The following TAF2 variants were observed in gnomAD, a reference collection of about 807,000 sequenced individuals.
The protein encoded by TAF2 is transcription initiation factor TFIID subunit 2.
A neutral mutation model predicts 138.5 loss-of-function variants in TAF2; 61 were observed. The observed-to-expected ratio is 0.44, with a 90% CI of 0.36 to 0.54. The LOEUF (loss-of-function observed/expected upper bound fraction) is 0.54, where lower values mean the gene tolerates loss of function less well. TAF2 is among the 20% of genes least tolerant of loss of function. TAF2 has a pLI of 0.00. For synonymous variants in TAF2, 475 were observed against 469.9 expected, an observed-to-expected ratio of 1.01 and a Z score of -0.14; for missense variants, 1,090 against 1,427.9, an observed-to-expected ratio of 0.76 and a Z score of 3.81.
intron 9 of TAF2, among the ~76,000 whole-genome samples, 199 bp from the exon 10 acceptor site, chr8:119,793,650 C>T (rs1823602001): frequency 6.6e-6 from 1 of 152,098 alleles, no homozygotes; most frequent in African/African-American, 2.4e-5. Context: ...ATGACAAAAG[C>T]CAAAGACTTC....
intron 25 of TAF2, among the ~76,000 whole-genome samples, chr8:119,738,242 G>A (rs186464175): frequency 4.7e-4 from 72 of 151,872 alleles, no homozygotes; most frequent in African/African-American, 1.6e-3. Flanking sequence ...AATCTAACGT[G>A]GTAAGAAAGC....
chr8:119,746,958 T>G (rs749289217), intron 22 of TAF2, 24 bp from the exon 23 acceptor site: 1 of 1,605,398 alleles, frequency 6.2e-7, no homozygotes, highest in Non-Finnish European at 8.5e-7. Context: ...AATAAAGAAA[T>G]GAGTCAATAT....
At chr8:119,823,463 G>C (rs979138098) in intron 2 of TAF2, among the ~76,000 whole-genome samples, 1 of 150,852 alleles carries the variant, frequency 6.6e-6, no homozygotes, top group Non-Finnish European at 1.5e-5. Context: ...TGAAAAACGG[G>C]AATTTTTCTG....
chr8:119,778,691 A>G (rs577353396), intron 17 of TAF2, among the ~76,000 whole-genome samples: 58 of 152,326 alleles, frequency 3.8e-4, no homozygotes, highest in Non-Finnish European at 7.1e-4. Context: ...CCTAATCCTC[A>G]TGAACACCCA....
Position 119,816,304 on chromosome 8 carries a change from G to A in TAF2, c.299+3042C>T, listed in dbSNP as rs138956964. Among the ~76,000 whole-genome samples the A allele has an allele frequency of 6.5e-3, 980 of 151,296 alleles. 14 individuals are homozygous for A. The highest frequency in any genetic ancestry group is 0.023 in the African/African-American group (933 of 41,176). Reference sequence around the variant, plus strand: ...GATCTCCTGACCTCATGATCTGCCCGCCTCGGCCTCCCAGAGTGCTGGGAT... The same window carrying A: ...GATCTCCTGACCTCATGATCTGCCCACCTCGGCCTCCCAGAGTGCTGGGAT... On this transcript the variant is annotated intron_variant, in intron 3 of 25. Transcript: ENST00000378164.
At chr8:119,745,948 C>T (rs1241535764) in intron 23 of TAF2, among the ~76,000 whole-genome samples, 1 of 151,960 alleles carries the variant, frequency 6.6e-6, no homozygotes, top group Non-Finnish European at 1.5e-5. Context: ...CAAGCATTTG[C>T]CAGGCATTTA....
At chr8:119,806,441 GT>G (rs1291750610) in intron 3 of TAF2, 40 bp from the exon 4 acceptor site, 1 of 1,299,888 alleles carries the variant, frequency 7.7e-7, no homozygotes, top group Non-Finnish European at 1.1e-6. Flanking sequence ...AATAAGCCAT[GT>G]ATCTTACCAA....
intron 23 of TAF2, chr8:119,744,779 C>T (rs895881573): frequency 2.5e-5 from 10 of 395,378 alleles, no homozygotes; most frequent in South Asian, 5.8e-5. Flanking sequence ...CAGTCTGTTG[C>T]GTGTGTTCCT....
chr8:119,810,329 T>G (rs1043717745), intron 3 of TAF2, among the ~76,000 whole-genome samples: 1 of 152,226 alleles, frequency 6.6e-6, no homozygotes, highest in African/African-American at 2.4e-5. Flanking sequence ...ATTAATAATT[T>G]GATCCTTTTG....
At chr8:119,780,866 C>T (rs953144280) in intron 17 of TAF2, among the ~76,000 whole-genome samples, 187 bp downstream of exon 17, 13 of 143,594 alleles carry the variant, frequency 9.1e-5, no homozygotes, top group Admixed American at 4.2e-4. Flanking sequence ...ACCCGGGAGG[C>T]GGAGCTTGCA....
intron 20 of TAF2, among the ~76,000 whole-genome samples, chr8:119,759,473 T>G (rs1563838203): frequency 1.3e-5 from 2 of 152,128 alleles, no homozygotes; most frequent in Admixed American, 6.5e-5. Context: ...TTTAGCATAC[T>G]TTTAAGTTTT....
chr8:119,744,443 T>C lies in TAF2; in HGVS notation c.3109-50A>G, dbSNP rs371551998. On this transcript the variant is annotated intron_variant, in intron 23 of 25. Transcript: ENST00000378164. ...AGGATAAAAGAACCATTACATCATG[T>C]TATGTTTGGATATTAGCTCTTAGGA... is the stretch of plus-strand genomic sequence containing the variant. 5.3e-6 allele frequency: 8 copies of C among 1,513,598 alleles called. No individual in the cohort carries two copies. The African/African-American group carries it at 1.1e-4, about 21-fold the overall frequency. The allele number at this position is 1,513,598 out of a possible 1,614,324, so 93.8% of individuals were successfully genotyped here.
chr8:119,804,086 G>T, intron 4 of TAF2, 67 bp from the exon 5 acceptor site: 1 of 1,557,492 alleles, frequency 6.4e-7, no homozygotes, highest in Non-Finnish European at 8.8e-7. Flanking sequence ...TAAAGACAAA[G>T]ATTTAATGCT....
At chr8:119,790,360 A>G (rs1460187969) in intron 11 of TAF2, among the ~76,000 whole-genome samples, 1 of 152,088 alleles carries the variant, frequency 6.6e-6, no homozygotes, top group East Asian at 1.9e-4. Flanking sequence ...GGATCCCTTG[A>G]GCCTGGGAGG....
chr8:119,799,160 T>A (rs1408143996), intron 6 of TAF2, among the ~76,000 whole-genome samples: 1 of 150,830 alleles, frequency 6.6e-6, no homozygotes, highest in Non-Finnish European at 1.5e-5. Flanking sequence ...AATTTTTTTA[T>A]ATTATCATTT....
chr8:119,751,325 C>A (rs1296499803), intron 22 of TAF2, among the ~76,000 whole-genome samples: 1 of 152,182 alleles, frequency 6.6e-6, no homozygotes, highest in African/African-American at 2.4e-5. Flanking sequence ...AGCATAAAAT[C>A]TAAATTCCTG....
At chr8:119,744,845 T>C in intron 23 of TAF2, 1 of 453,420 alleles carries the variant, frequency 2.2e-6, no homozygotes, top group South Asian at 1.6e-5. Context: ...GTGAATATCC[T>C]ACACTGTTAA....
chr8:119,811,204 A>T (rs1338560432), intron 3 of TAF2, among the ~76,000 whole-genome samples: 1 of 152,178 alleles, frequency 6.6e-6, no homozygotes, highest in Non-Finnish European at 1.5e-5. Context: ...AAATTAAGGG[A>T]ATAGATATAA....
intron 3 of TAF2, among the ~76,000 whole-genome samples, chr8:119,815,775 CTA>C (rs1345611312): frequency 6.6e-6 from 1 of 152,166 alleles, no homozygotes; most frequent in Non-Finnish European, 1.5e-5. Context: ...AATCTACAAT[CTA>C]TCTACAATCC....
Sources: gnomAD v4.1 joint callset for allele counts (sites outside exome capture counted in the v4.1 genomes callset) on GRCh38, gnomAD v4.1.1 for gene constraint, MANE v1.5 for transcripts, NCBI Gene and HGNC (gene_info 2026-07-23, HGNC 2026-07-21) for gene names.